The following NCAM2 variants were observed in gnomAD, a reference collection of about 807,000 sequenced individuals.
NCAM2 encodes N-CAM-2.
Under a neutral mutation model 98.1 loss-of-function variants are expected in NCAM2, and 30 were observed. The observed-to-expected ratio is 0.31, with a 90% confidence interval of 0.23 to 0.41. NCAM2 has a LOEUF of 0.41. Ranked by LOEUF, NCAM2 falls within the 10% of genes least tolerant of loss-of-function variation. NCAM2 has a pLI of 1.00. For missense variants in NCAM2, 867 were observed against 1,005.8 expected, an observed-to-expected ratio of 0.86 and a Z score of 1.87; for synonymous variants, 368 against 342.4, an observed-to-expected ratio of 1.07 and a Z score of -0.83.
chr21:21,168,108 C>T (rs2068009775), intron 1 of NCAM2, among the ~76,000 whole-genome samples: 1 of 152,070 alleles, frequency 6.6e-6, no homozygotes, highest in Non-Finnish European at 1.5e-5. Context: ...TTTTACTTTA[C>T]AACCGAGTGG....
At chr21:21,247,407 A>G (rs542301940) in intron 1 of NCAM2, among the ~76,000 whole-genome samples, 4 of 152,336 alleles carry the variant, frequency 2.6e-5, no homozygotes, top group African/African-American at 9.6e-5. Flanking sequence ...AGAGAAACGA[A>G]ATACAAAATT....
intron 5 of NCAM2, among the ~76,000 whole-genome samples, chr21:21,295,308 T>G (rs8127825): frequency 0.029 from 4,446 of 151,910 alleles, 206 homozygotes; most frequent in African/African-American, 0.1. Context: ...GTACCAGCAA[T>G]AATACATGTT....
At chr21:21,003,496 A>G (rs1458878451) in intron 1 of NCAM2, among the ~76,000 whole-genome samples, 3 of 152,106 alleles carry the variant, frequency 2.0e-5, no homozygotes, top group Non-Finnish European at 2.9e-5. Flanking sequence ...TGAAAATTTG[A>G]TATTATAAAA....
chr21:21,027,763 C>G (rs2064581556), intron 1 of NCAM2, among the ~76,000 whole-genome samples: 1 of 152,028 alleles, frequency 6.6e-6, no homozygotes, highest in African/African-American at 2.4e-5. Flanking sequence ...CGTTAATATA[C>G]ATTATTTTGT....
At chr21:21,132,843 G>C (rs2146619428) in intron 1 of NCAM2, among the ~76,000 whole-genome samples, 1 of 152,202 alleles carries the variant, frequency 6.6e-6, no homozygotes, top group Non-Finnish European at 1.5e-5. Flanking sequence ...CACTGCACAA[G>C]GCAAGAATAG....
intron 16 of NCAM2, among the ~76,000 whole-genome samples, chr21:21,521,250 C>T (rs1021798013): frequency 6.6e-6 from 1 of 152,124 alleles, no homozygotes; most frequent in Non-Finnish European, 1.5e-5. Context: ...GCCAGAATCA[C>T]GGACTCACTA....
intron 1 of NCAM2, among the ~76,000 whole-genome samples, chr21:21,184,898 A>G (rs914845229): frequency 6.6e-6 from 1 of 152,116 alleles, no homozygotes; most frequent in Non-Finnish European, 1.5e-5. Flanking sequence ...GCCTATTTTT[A>G]AAAATAAGTT....
intron 15 of NCAM2, among the ~76,000 whole-genome samples, chr21:21,481,467 C>G (rs1384249251): frequency 6.6e-6 from 1 of 152,298 alleles, no homozygotes; most frequent in East Asian, 1.9e-4. Flanking sequence ...TCACGTGCAG[C>G]TTTGCTGACG....
chr21:21,447,218 A>G (rs189915662), intron 12 of NCAM2, among the ~76,000 whole-genome samples: 1 of 152,290 alleles, frequency 6.6e-6, no homozygotes, highest in African/African-American at 2.4e-5. Context: ...AGACCAATGA[A>G]CAGAACAGAG....
intron 1 of NCAM2, among the ~76,000 whole-genome samples, chr21:21,219,766 G>A (rs575783337): frequency 1.3e-5 from 2 of 152,284 alleles, no homozygotes; most frequent in South Asian, 4.1e-4. Flanking sequence ...TATTTCAGAT[G>A]GCAGTTACCA....
chr21:21,529,668 T>C (rs1989515861), intron 16 of NCAM2, among the ~76,000 whole-genome samples: 1 of 151,948 alleles, frequency 6.6e-6, no homozygotes, highest in African/African-American at 2.4e-5. Context: ...AATTAATCAA[T>C]AATATCACCT....
intron 13 of NCAM2, among the ~76,000 whole-genome samples, chr21:21,467,900 A>G (rs975084566): frequency 6.6e-6 from 1 of 151,904 alleles, no homozygotes; most frequent in Non-Finnish European, 1.5e-5. Context: ...AAAAGAAATG[A>G]CAATAACCTG....
At chr21:21,350,287 TAGTA>T (rs1396112227) in intron 8 of NCAM2, among the ~76,000 whole-genome samples, 1 of 152,142 alleles carries the variant, frequency 6.6e-6, no homozygotes, top group Non-Finnish European at 1.5e-5. Flanking sequence ...ATGATTAAGA[TAGTA>T]AATAAATATT....
chr21:21,094,980 GTTAA>G (rs1243050647), intron 1 of NCAM2, among the ~76,000 whole-genome samples: 4 of 151,650 alleles, frequency 2.6e-5, no homozygotes, highest in South Asian at 2.1e-4. Context: ...CTAAACTGGA[GTTAA>G]TTAGTTAGCT....
At chr21:21,104,282 T>G (rs2066300202) in intron 1 of NCAM2, among the ~76,000 whole-genome samples, 1 of 152,174 alleles carries the variant, frequency 6.6e-6, no homozygotes, top group South Asian at 2.1e-4. Flanking sequence ...TTACATGTAT[T>G]TATTAGTACA....
rs561340895 is a variant in NCAM2 at position 21,243,350 on chromosome 21, A to G, written c.56-37228A>G. Among the ~76,000 whole-genome samples the G allele has an allele frequency of 8.5e-5, 13 of 152,282 alleles. No individual in the cohort carries two copies. The South Asian group carries it at 1.5e-3, about 17-fold the overall frequency. On this transcript the variant is annotated intron_variant, in intron 1 of 17. Transcript: ENST00000400546. ...GAAAAAAGTCATAAAATACTATTAC[A>G]TTTTTTGTAGGGGAAATATTATAGC...
At chr21:21,290,391 TTA>T (rs1458849650) in intron 4 of NCAM2, among the ~76,000 whole-genome samples, 5 of 151,896 alleles carry the variant, frequency 3.3e-5, no homozygotes, top group African/African-American at 1.2e-4. Flanking sequence ...CTTTGAAACT[TTA>T]TGAAGTTTCA....
intron 1 of NCAM2, among the ~76,000 whole-genome samples, chr21:21,215,659 C>T (rs1047762149): frequency 1.3e-5 from 2 of 151,986 alleles, no homozygotes; most frequent in Non-Finnish European, 2.9e-5. Flanking sequence ...TCCCGGGAGG[C>T]AAAGATTGCA....
At chr21:21,231,553 A>G (rs2070627779) in intron 1 of NCAM2, among the ~76,000 whole-genome samples, 1 of 151,476 alleles carries the variant, frequency 6.6e-6, no homozygotes, top group South Asian at 2.1e-4. Flanking sequence ...CTATGTTTCA[A>G]GGACAGTTTT....
Sources: gnomAD v4.1 joint callset for allele counts (sites outside exome capture counted in the v4.1 genomes callset) on GRCh38, gnomAD v4.1.1 for gene constraint, MANE v1.5 for transcripts, NCBI Gene and HGNC (gene_info 2026-07-23, HGNC 2026-07-21) for gene names.